The following RP1 variants were observed in gnomAD, a reference collection of about 807,000 sequenced individuals.
RP1 encodes RP1 axonemal microtubule associated, also known as oxygen-regulated protein 1.
In RP1, 16 loss-of-function variants were observed where a neutral mutation model predicts 14.8. The observed-to-expected ratio is 1.08, with a 90% CI of 0.73 to 1.65. The LOEUF (loss-of-function observed/expected upper bound fraction) is 1.65. Ranked by LOEUF, RP1 falls within the 40% of genes most tolerant of loss-of-function variation. The pLI, the probability that RP1 is intolerant of heterozygous loss-of-function variation, is 0.00. For missense variants in RP1, 2,631 were observed against 2,535.0 expected, an observed-to-expected ratio of 1.04 and a Z score of -0.81; for synonymous variants, 876 against 883.6, an observed-to-expected ratio of 0.99 and a Z score of 0.15.
chr8:54,820,633 G>T (rs1811232455), intron 24 of RP1, among the ~76,000 whole-genome samples: 1 of 152,142 alleles, frequency 6.6e-6, no homozygotes, highest in Non-Finnish European at 1.5e-5. Context: ...AGGATTCTCT[G>T]CATGCTGTAG....
At chr8:54,730,690 G>C (rs1023629925) in intron 17 of RP1, among the ~76,000 whole-genome samples, 1 of 151,896 alleles carries the variant, frequency 6.6e-6, no homozygotes, top group African/African-American at 2.4e-5. Context: ...TTATCTTCTT[G>C]GTATTAATCC....
chr8:54,711,626 A>G (rs1338213114), intron 15 of RP1, among the ~76,000 whole-genome samples: 1 of 152,166 alleles, frequency 6.6e-6, no homozygotes, highest in Non-Finnish European at 1.5e-5. Context: ...ACAGCAACCA[A>G]TTAGGAAAGC....
At position 54,670,671 on chromosome 8, in the gene RP1, T is replaced by TTATATATATATATA. The variant is rs375877155; in HGVS notation, c.1324-3156_1324-3143dup. ...ATATTTATGAATAATATATATGTTT[T>TTATATATATATATA]TATATATATATATATATATATATAT... On this transcript the variant is annotated intron_variant, in intron 7 of 22. Coordinates refer to the RP1 transcript ENST00000636932. 1.3e-4 allele frequency among the ~76,000 whole-genome samples: 8 copies of TTATATATATATATA among 62,548 alleles called. 2 individuals are homozygous for TTATATATATATATA. Among genetic ancestry groups the TTATATATATATATA allele is most frequent in the African/African-American group, 5.5e-4 (8 of 14,524 alleles). 41.0% of individuals were successfully genotyped at this position (62,548 alleles called of 152,430 possible).
intron 19 of RP1, among the ~76,000 whole-genome samples, chr8:54,744,225 T>C (rs1054107748): frequency 1.3e-5 from 2 of 152,116 alleles, no homozygotes; most frequent in African/African-American, 2.4e-5. Flanking sequence ...CATATTATAT[T>C]AGGTGATGTT....
intron 3 of RP1, among the ~76,000 whole-genome samples, chr8:54,636,338 A>G (rs1200664057): frequency 6.6e-6 from 1 of 152,242 alleles, no homozygotes; most frequent in East Asian, 1.9e-4. Context: ...CGCACTGTCA[A>G]CATCCACAAC....
intron 22 of RP1, among the ~76,000 whole-genome samples, chr8:54,765,360 T>C (rs891182933): frequency 2.6e-5 from 4 of 152,238 alleles, no homozygotes; most frequent in African/African-American, 9.6e-5. Flanking sequence ...AATTAGTTAG[T>C]AAATCATGAG....
rs139294220 is a variant in RP1, at chr8:54,628,132, T to C, written c.4250T>C (p.Leu1417Pro). ...GAACTTGATAAGAAACATAGTTCTC[T>C]AGATGATTTTGAAAATTGTTCACTA... ...EAELDKKHSS[L>P]DDFENCSLRK... is the part of the protein sequence containing the mutation. The change falls in exon 4 of 4, where the codon CTA becomes CCA. Residue 1417 changes from leucine (L) to proline (P), a missense_variant. Physicochemically the swap from Leu to Pro is moderately conservative, Grantham distance 98. Coordinates refer to ENST00000220676, the MANE Select transcript of RP1 (RefSeq NM_006269.2). The C allele has an allele frequency of 2.4e-3, 3,810 of 1,614,018 alleles. 8 individuals carry two copies. The highest frequency in any genetic ancestry group is 2.8e-3 in the Non-Finnish European group (3,317 of 1,179,922).
rs575766197 is a variant in RP1 at position 54,682,116 on chromosome 8, C to T, written c.1717+2183C>T. Among the ~76,000 whole-genome samples the T allele has an allele frequency of 1.2e-3, 186 of 152,178 alleles. 3 individuals are homozygous for T. Among genetic ancestry groups the T allele is most frequent in the African/African-American group, 4.3e-3 (177 of 41,542 alleles). Reference sequence around the variant, plus strand: ...TGCTTCTAGATCTTTGAGGAATTACCACACTGCCTTCCATAATGGTTGAAC... The same window carrying T: ...TGCTTCTAGATCTTTGAGGAATTACTACACTGCCTTCCATAATGGTTGAAC... On this transcript the variant is annotated intron_variant, in intron 12 of 22. Transcript: ENST00000636932.
At chr8:54,824,902 T>C (rs1811345414) in intron 24 of RP1, among the ~76,000 whole-genome samples, 1 of 152,158 alleles carries the variant, frequency 6.6e-6, no homozygotes, top group Non-Finnish European at 1.5e-5. Context: ...AAAATGCGAA[T>C]ATCAACTTGA....
At chr8:54,606,818 T>C (rs1223156747) in intron 1 of RP1, among the ~76,000 whole-genome samples, 1 of 152,248 alleles carries the variant, frequency 6.6e-6, no homozygotes, top group African/African-American at 2.4e-5. Context: ...TGATACCCTT[T>C]CTTCCAGTTG....
intron 18 of RP1, among the ~76,000 whole-genome samples, chr8:54,736,528 C>T (rs1450637836): frequency 2.0e-5 from 3 of 152,270 alleles, no homozygotes; most frequent in South Asian, 2.1e-4. Flanking sequence ...GTGTGCCGTG[C>T]GCTGCACCTG....
intron 1 of RP1, among the ~76,000 whole-genome samples, chr8:54,599,356 A>G (rs914220135): frequency 6.6e-6 from 1 of 151,990 alleles, no homozygotes; most frequent in Non-Finnish European, 1.5e-5. Flanking sequence ...TTTCAAGTCC[A>G]TTTGGAATTG....
At chr8:54,867,890 C>T (rs530917442) in intron 28 of RP1, among the ~76,000 whole-genome samples, 1 of 152,216 alleles carries the variant, frequency 6.6e-6, no homozygotes, top group East Asian at 1.9e-4. Context: ...GTACTAGCTA[C>T]ATTTCTAGTG....
In RP1 at chr8:54,621,255, G is replaced by A; in HGVS notation, c.289G>A (p.Glu97Lys). The A allele has an allele frequency of 1.2e-6, 2 of 1,614,144 alleles. No individual in the cohort carries two copies. Among genetic ancestry groups the A allele is most frequent in the Non-Finnish European group, 1.7e-6 (2 of 1,180,034 alleles). ...CAGGCACAGCATCACGCGCCTGGAGGAGCTGGAGGACGGCGAGTCCTACCT... is the reference window on the plus strand; with the variant it reads ...CAGGCACAGCATCACGCGCCTGGAGAAGCTGGAGGACGGCGAGTCCTACCT... Reference protein sequence around the residue: ...RGRHSITRLEELEDGESYLCS... With the variant: ...RGRHSITRLEKLEDGESYLCS... Residue 97 changes from glutamate (E) to lysine (K), a missense_variant, in exon 2 of 4, where the codon GAG (glutamate) becomes AAG (lysine). Physicochemically the swap from Glu to Lys is moderately conservative, Grantham distance 56. Coordinates refer to ENST00000220676, the MANE Select transcript of RP1 (RefSeq NM_006269.2).
At chr8:54,854,329 G>T (rs1352450982) in intron 26 of RP1, among the ~76,000 whole-genome samples, 1 of 152,148 alleles carries the variant, frequency 6.6e-6, no homozygotes, top group Non-Finnish European at 1.5e-5. Flanking sequence ...ACAGAAGACA[G>T]TCCAGAAACA....
At chr8:54,784,235 T>C (rs1421945759) in intron 24 of RP1, among the ~76,000 whole-genome samples, 3 of 152,174 alleles carry the variant, frequency 2.0e-5, no homozygotes, top group Admixed American at 6.6e-5. Context: ...GTGCCTCACT[T>C]TCCTCAATAA....
At chr8:54,582,408 T>G (rs1251344543) in intron 1 of RP1, among the ~76,000 whole-genome samples, 1 of 151,912 alleles carries the variant, frequency 6.6e-6, no homozygotes, top group Non-Finnish European at 1.5e-5. Context: ...TACTGTAGCC[T>G]TGTAGTATAG....
At chr8:54,784,639 G>C (rs1027025528) in intron 24 of RP1, among the ~76,000 whole-genome samples, 1 of 152,060 alleles carries the variant, frequency 6.6e-6, no homozygotes, top group African/African-American at 2.4e-5. Flanking sequence ...TGGTGTAAAA[G>C]TATCTGATTT....
chr8:54,690,524 C>T (rs1167775585), intron 12 of RP1, among the ~76,000 whole-genome samples: 1 of 151,852 alleles, frequency 6.6e-6, no homozygotes, highest in African/African-American at 2.4e-5. Context: ...CTGGTTCAGC[C>T]CCCTTTACTG....
Sources: gnomAD v4.1 joint callset for allele counts (sites outside exome capture counted in the v4.1 genomes callset) on GRCh38, gnomAD v4.1.1 for gene constraint, MANE v1.5 for transcripts, NCBI Gene and HGNC (gene_info 2026-07-23, HGNC 2026-07-21) for gene names.